The following GRM7 variants were observed in gnomAD, a reference collection of about 807,000 sequenced individuals.
GRM7 encodes glutamate metabotropic receptor 7.
Under a neutral mutation model 84.5 loss-of-function variants are expected in GRM7, and 35 were observed. The observed-to-expected ratio is 0.41, with a 90% CI of 0.32 to 0.55. The LOEUF (loss-of-function observed/expected upper bound fraction) is 0.55. GRM7 is among the 20% of genes least tolerant of loss of function. GRM7 has a pLI of 0.19. For synonymous variants in GRM7, 487 were observed against 455.1 expected (o/e 1.07, Z -0.89); for missense variants, 1,003 against 1,194.6 (o/e 0.84, Z 2.36).
chr3:7,063,426 G>A (rs903520380), intron 1 of GRM7, among the ~76,000 whole-genome samples: 1 of 151,672 alleles, frequency 6.6e-6, no homozygotes, highest in Non-Finnish European at 1.5e-5. Flanking sequence ...GAGAGGATAA[G>A]CTGGACATGC....
intron 1 of GRM7, among the ~76,000 whole-genome samples, chr3:6,998,352 C>T (rs1305619766): frequency 2.6e-5 from 4 of 152,178 alleles, no homozygotes; most frequent in African/African-American, 9.6e-5. Flanking sequence ...CCTTGGGCAG[C>T]TCTGGCCCTG....
At chr3:7,335,405 A>G (rs1458266113) in intron 4 of GRM7, among the ~76,000 whole-genome samples, 1 of 152,084 alleles carries the variant, frequency 6.6e-6, no homozygotes, top group African/African-American at 2.4e-5. Flanking sequence ...GGATACAGCA[A>G]AAGTGGTGAT....
chr3:7,589,780 G>A (rs1381750362), intron 8 of GRM7, among the ~76,000 whole-genome samples: 1 of 152,202 alleles, frequency 6.6e-6, no homozygotes, highest in Non-Finnish European at 1.5e-5. Flanking sequence ...TGGTGACACT[G>A]ACAATCAGTC....
intron 7 of GRM7, chr3:7,520,062 T>C (rs1700538665): frequency 6.6e-6 from 1 of 152,182 alleles, no homozygotes; most frequent in East Asian, 1.9e-4. Context: ...GGTCCAAGGA[T>C]TTAGCCTTGG....
intron 4 of GRM7, among the ~76,000 whole-genome samples, chr3:7,315,640 A>G (rs1339581943): frequency 1.3e-5 from 2 of 152,190 alleles, no homozygotes; most frequent in African/African-American, 2.4e-5. Context: ...CTGGAACCCT[A>G]TATGAGGATC....
chr3:7,429,745 T>C (rs1406816701), intron 5 of GRM7, among the ~76,000 whole-genome samples: 1 of 152,196 alleles, frequency 6.6e-6, no homozygotes, highest in Non-Finnish European at 1.5e-5. Context: ...TCTACTCTTG[T>C]AAATAATAAA....
At chr3:7,271,514 G>A (rs1017840032) in intron 2 of GRM7, among the ~76,000 whole-genome samples, 2 of 146,448 alleles carry the variant, frequency 1.4e-5, no homozygotes, top group Non-Finnish European at 3.0e-5. Context: ...AGCTGAAATC[G>A]CGTCATTGCA....
chr3:7,595,357 G>C (rs1384283949), intron 8 of GRM7, among the ~76,000 whole-genome samples: 1 of 152,296 alleles, frequency 6.6e-6, no homozygotes, highest in East Asian at 1.9e-4. Flanking sequence ...GAAGGATGTA[G>C]AAGCAAACAT....
At chr3:7,429,314 T>TA (rs1245879867) in intron 5 of GRM7, among the ~76,000 whole-genome samples, 1 of 152,180 alleles carries the variant, frequency 6.6e-6, no homozygotes, top group Non-Finnish European at 1.5e-5. Context: ...AAATGCACAT[T>TA]ACCTATTTTT....
intron 1 of GRM7, among the ~76,000 whole-genome samples, chr3:7,032,447 G>A (rs748583347): frequency 2.0e-5 from 3 of 152,096 alleles, no homozygotes; most frequent in African/African-American, 4.8e-5. Flanking sequence ...AACCTAATAC[G>A]TGTTCAAAAA....
intron 8 of GRM7, among the ~76,000 whole-genome samples, chr3:7,655,101 G>A (rs1207192360): frequency 6.6e-6 from 1 of 152,174 alleles, no homozygotes; most frequent in Non-Finnish European, 1.5e-5. Flanking sequence ...GTTGTGACCT[G>A]CCAACCACAG....
At chr3:7,147,867 C>T (rs1694159408) in intron 2 of GRM7, among the ~76,000 whole-genome samples, 1 of 152,136 alleles carries the variant, frequency 6.6e-6, no homozygotes, top group African/African-American at 2.4e-5. Flanking sequence ...GGTTAAAATG[C>T]AACACTCGGA....
chr3:7,047,629 A>G (rs12054361), intron 1 of GRM7, among the ~76,000 whole-genome samples: 1,817 of 152,170 alleles, frequency 0.012, 57 homozygotes, highest in East Asian at 0.1. Context: ...CTAGTATTTG[A>G]CATGAATTCC....
intron 7 of GRM7, among the ~76,000 whole-genome samples, chr3:7,518,436 CAA>C (rs1309685493): frequency 6.6e-6 from 1 of 152,178 alleles, no homozygotes; most frequent in Non-Finnish European, 1.5e-5. Flanking sequence ...AGGTTTTAAA[CAA>C]GAGTATAAGA....
At chr3:7,138,225 G>T (rs1356357304) in intron 1 of GRM7, among the ~76,000 whole-genome samples, 1 of 151,868 alleles carries the variant, frequency 6.6e-6, no homozygotes, top group Non-Finnish European at 1.5e-5. Context: ...GTAGATCCTA[G>T]ATGCATTAAA....
chr3:7,330,272 TA>T (rs1170119316), intron 4 of GRM7, among the ~76,000 whole-genome samples: 1 of 152,140 alleles, frequency 6.6e-6, no homozygotes, highest in Non-Finnish European at 1.5e-5. Context: ...AGTGATTCTA[TA>T]ATGGTATAAG....
intron 1 of GRM7, among the ~76,000 whole-genome samples, chr3:6,998,480 A>T (rs554953011): frequency 5.1e-4 from 77 of 152,230 alleles, no homozygotes; most frequent in Non-Finnish European, 8.7e-4. Context: ...TGAGGTCTGG[A>T]AAATGGTGAT....
intron 9 of GRM7, chr3:7,693,669 C>T: frequency 1.3e-6 from 2 of 1,529,434 alleles, no homozygotes; most frequent in Non-Finnish European, 1.8e-6. Flanking sequence ...TCTGCACTGG[C>T]ATCTAGTCAA....
intron 7 of GRM7, among the ~76,000 whole-genome samples, chr3:7,521,864 A>T (rs1000117269): frequency 6.6e-6 from 1 of 152,142 alleles, no homozygotes; most frequent in Non-Finnish European, 1.5e-5. Flanking sequence ...ATGCAAAATC[A>T]TTTATGGCTC....
Sources: allele counts gnomAD v4.1 joint callset (sites outside exome capture counted in the v4.1 genomes callset), GRCh38; gene constraint gnomAD v4.1.1; transcripts MANE v1.5; gene names NCBI Gene and HGNC (gene_info 2026-07-23, HGNC 2026-07-21).